The following NKAIN2 variants were observed in gnomAD, a reference collection of about 807,000 sequenced individuals.
NKAIN2 encodes the protein sodium/potassium-transporting ATPase subunit beta-1-interacting protein 2.
A neutral mutation model predicts 32.6 loss-of-function variants in NKAIN2; 14 were observed. The ratio of observed to expected loss-of-function variants is 0.43; its 90% CI spans 0.28 to 0.67. NKAIN2 has a LOEUF of 0.67. Ranked by LOEUF, NKAIN2 falls within the 30% of genes least tolerant of loss-of-function variation. The probability of loss-of-function intolerance (pLI) is 0.17; values close to 1 mark genes in which losing one functional copy is unlikely to be tolerated. For missense variants in NKAIN2, 198 were observed against 258.3 expected, an observed-to-expected ratio of 0.77 and a Z score of 1.60; for synonymous variants, 80 against 87.2, an observed-to-expected ratio of 0.92 and a Z score of 0.46.
intron 4 of NKAIN2, among the ~76,000 whole-genome samples, chr6:124,742,364 G>A (rs1777255367): frequency 6.6e-6 from 1 of 151,704 alleles, no homozygotes. Flanking sequence ...TCTCCTCTGA[G>A]GCCAAGACTT....
chr6:123,896,864 T>C (rs761994221), intron 1 of NKAIN2, among the ~76,000 whole-genome samples: 4 of 152,194 alleles, frequency 2.6e-5, no homozygotes, highest in Non-Finnish European at 5.9e-5. Flanking sequence ...TTTTTTCATA[T>C]ACCGTGAAAC....
intron 5 of NKAIN2, among the ~76,000 whole-genome samples, chr6:124,808,036 G>C (rs1177360586): frequency 1.3e-5 from 2 of 150,680 alleles, no homozygotes; most frequent in Non-Finnish European, 3.0e-5. Context: ...TGGATTCACA[G>C]CCAAATTCTA....
At chr6:123,911,800 TGTATATATATATACACAC>T (rs1775203076) in intron 1 of NKAIN2, among the ~76,000 whole-genome samples, 1 of 98,566 alleles carries the variant, frequency 1.0e-5, no homozygotes, top group African/African-American at 5.3e-5. Context: ...TATATATATA[TGTATATATATATACACAC>T]ACACACACAC....
At chr6:124,171,260 AATTTTCCCGTGTTCTGCTCTCTAGCAT>A (rs1476139076) in intron 1 of NKAIN2, among the ~76,000 whole-genome samples, 1 of 152,044 alleles carries the variant, frequency 6.6e-6, no homozygotes, top group Non-Finnish European at 1.5e-5. Context: ...AGAAAGACAA[AATTTTCCCGTGTTCTGCTCTCTAGCAT>A]ATCTTTCTAA....
chr6:124,178,787 A>G (rs762556005), intron 1 of NKAIN2, among the ~76,000 whole-genome samples: 7 of 152,174 alleles, frequency 4.6e-5, no homozygotes, highest in African/African-American at 7.2e-5. Flanking sequence ...TATGCTTCCC[A>G]CTTGACTGGC....
At chr6:124,049,881 C>T (rs191141163) in intron 1 of NKAIN2, among the ~76,000 whole-genome samples, 60 of 152,004 alleles carry the variant, frequency 3.9e-4, no homozygotes, top group Admixed American at 2.0e-3. Flanking sequence ...AGTAGTGATA[C>T]CAGCAGTTTG....
chr6:124,229,229 A>G (rs1457386396), intron 1 of NKAIN2, among the ~76,000 whole-genome samples: 1 of 152,192 alleles, frequency 6.6e-6, no homozygotes, highest in Non-Finnish European at 1.5e-5. Flanking sequence ...CAAGTGTGAC[A>G]CAAGTTAATA....
chr6:124,131,808 G>A (rs1786492627), intron 1 of NKAIN2, among the ~76,000 whole-genome samples: 1 of 152,108 alleles, frequency 6.6e-6, no homozygotes. Context: ...AGGAATTAGG[G>A]AGGGCTTGCA....
intron 1 of NKAIN2, among the ~76,000 whole-genome samples, chr6:123,814,444 T>C (rs1205833313): frequency 2.0e-5 from 3 of 152,178 alleles, no homozygotes; most frequent in Admixed American, 2.0e-4. Context: ...ATCAGGCAAA[T>C]AGGGTAAGTT....
chr6:123,955,195 CCAA>C (rs1777509911), intron 1 of NKAIN2, among the ~76,000 whole-genome samples: 2 of 99,278 alleles, frequency 2.0e-5, no homozygotes, highest in African/African-American at 8.8e-5. Context: ...TACAGAAAAA[CCAA>C]AAAAAAAAAA....
chr6:123,956,832 C>G (rs1009590933), intron 1 of NKAIN2, among the ~76,000 whole-genome samples: 1 of 152,220 alleles, frequency 6.6e-6, no homozygotes, highest in South Asian at 2.1e-4. Context: ...AAGCTAGCCT[C>G]TCTGTGAATC....
At chr6:124,458,785 C>G (rs1776418445) in intron 3 of NKAIN2, among the ~76,000 whole-genome samples, 1 of 151,764 alleles carries the variant, frequency 6.6e-6, no homozygotes, top group Non-Finnish European at 1.5e-5. Flanking sequence ...ACCCTGAAAG[C>G]TGAGGACCAG....
chr6:124,571,085 T>C (rs113777034), intron 3 of NKAIN2, among the ~76,000 whole-genome samples: 8 of 152,202 alleles, frequency 5.3e-5, no homozygotes, highest in African/African-American at 1.7e-4. Context: ...ATGGGCCCTG[T>C]AGCCCCTTTG....
chr6:124,035,011 T>C (rs969752339), intron 1 of NKAIN2, among the ~76,000 whole-genome samples: 4 of 152,070 alleles, frequency 2.6e-5, no homozygotes, highest in African/African-American at 9.7e-5. Flanking sequence ...AAACTGACTT[T>C]CGGATAGCAT....
intron 4 of NKAIN2, among the ~76,000 whole-genome samples, chr6:124,715,831 TG>T (rs1192060880): frequency 4.6e-5 from 7 of 152,318 alleles, no homozygotes; most frequent in Middle Eastern, 3.4e-3. Flanking sequence ...ATCTAGATTC[TG>T]GCTAAAGCGA....
intron 3 of NKAIN2, among the ~76,000 whole-genome samples, chr6:124,497,932 A>G (rs1003871766): frequency 8.6e-5 from 13 of 151,788 alleles, no homozygotes; most frequent in African/African-American, 3.1e-4. Flanking sequence ...CTTTGATTTC[A>G]CACTAAGGGA....
intron 1 of NKAIN2, among the ~76,000 whole-genome samples, chr6:123,947,617 G>A (rs1453379543): frequency 6.6e-6 from 1 of 152,034 alleles, no homozygotes; most frequent in Non-Finnish European, 1.5e-5. Context: ...GTGTTTTAAA[G>A]TTTTTTTATT....
At chr6:124,315,919 T>C (rs1796930981) in intron 2 of NKAIN2, among the ~76,000 whole-genome samples, 1 of 152,068 alleles carries the variant, frequency 6.6e-6, no homozygotes, top group South Asian at 2.1e-4. Flanking sequence ...ATGGGTCAAG[T>C]TAAAATGTTC....
At chr6:124,139,040 C>CCAAAACTA (rs1481778200) in intron 1 of NKAIN2, among the ~76,000 whole-genome samples, 50 of 149,432 alleles carry the variant, frequency 3.3e-4, no homozygotes, top group African/African-American at 1.2e-3. Context: ...ATTCATGTAG[C>CCAAAACTA]CAAAACTACC....
Sources: gnomAD v4.1 joint callset for allele counts (sites outside exome capture counted in the v4.1 genomes callset) on GRCh38, gnomAD v4.1.1 for gene constraint, MANE v1.5 for transcripts, NCBI Gene and HGNC (gene_info 2026-07-23, HGNC 2026-07-21) for gene names.